Variants in HTT observed in about 807,000 individuals in gnomAD.
The protein encoded by HTT is huntington disease protein.
In HTT, 104 loss-of-function variants were observed where a neutral mutation model predicts 362.3. The observed-to-expected ratio is 0.29, with a 90% CI of 0.24 to 0.34. The LOEUF (loss-of-function observed/expected upper bound fraction) is 0.34, where lower values mean the gene tolerates loss of function less well. Among genes scored for constraint, HTT ranks in the 10% least tolerant of loss-of-function variants. The pLI is 1.00. For missense variants in HTT, 3,301 were observed against 3,928.6 expected (o/e 0.84, Z 4.27); for synonymous variants, 1,577 against 1,548.7 (o/e 1.02, Z -0.43).
At chr4:3,205,067 G>A (rs555569416) in intron 42 of HTT, among the ~76,000 whole-genome samples, 3 of 151,932 alleles carry the variant, frequency 2.0e-5, no homozygotes, top group South Asian at 4.2e-4. Context: ...TTTAAATGCC[G>A]TTCTCTTTAA....
chr4:3,178,782 G>A (rs765802182), intron 35 of HTT, among the ~76,000 whole-genome samples: 1 of 152,202 alleles, frequency 6.6e-6, no homozygotes, highest in Non-Finnish European at 1.5e-5. Flanking sequence ...GCCAAGAAGC[G>A]ATGCAACACT....
chr4:3,228,537 G>C lies in HTT; in HGVS notation c.7849-78G>C. On this transcript the variant is annotated intron_variant, in intron 57 of 66. Transcript: ENST00000355072. The surrounding 1 kb of genome is among the most constrained non-coding windows in gnomAD (Gnocchi z 4.3). ...CTGTTAGACGGTAGGCATGTGCTGA[G>C]TCCCAGTGGCCACACCCACCCACCA... 6.8e-7 allele frequency: 1 copy of C among 1,472,518 alleles called. No homozygotes were observed. Among genetic ancestry groups the C allele is most frequent in the East Asian group, 2.3e-5 (1 of 43,360 alleles). The allele number at this position is 1,472,518 out of a possible 1,614,324, so 91.2% of individuals were successfully genotyped here. A position where few individuals can be genotyped will look rare whatever the true frequency, so the allele number is the denominator to read the frequency against.
rs1017144397 is a variant in HTT, at chr4:3,148,084, C to T, written c.3375C>T (p.Val1125=). ...CAGCAGCCACCAAGCAAGAGGAGGT[C>T]TGGCCAGCCCTGGGGGACCGGGCCC... ...ANPAATKQEE[V]WPALGDRALV... The change falls in exon 26 of 67, where the codon GTC becomes GTT. Residue 1125 remains valine, a synonymous_variant. Transcript: ENST00000355072. 1 of 1,614,044 alleles carries T rather than the reference C, an allele frequency of 6.2e-7. No individual in the cohort carries two copies. The highest frequency in any genetic ancestry group is 1.3e-5 in the African/African-American group (1 of 74,914).
At chr4:3,110,463 T>C (rs1714685187) in intron 6 of HTT, among the ~76,000 whole-genome samples, 2 of 152,220 alleles carry the variant, frequency 1.3e-5, no homozygotes, top group South Asian at 4.1e-4. Context: ...AGGACTTCTC[T>C]TTGCCATTAG....
chr4:3,074,930 G>GCAGCAGCAT lies in HTT; in HGVS notation c.110_111insGCATCAGCA (p.Gln37_Gln38insHisGlnGln). On this transcript the variant is annotated inframe_insertion, in exon 1 of 67. Coordinates refer to ENST00000355072, the MANE Select transcript of HTT (RefSeq NM_001388492.1). ...AGCAGCAGCAGCAGCAGCAGCAGCA[G>GCAGCAGCAT]CAGCAACAGCCGCCACCGCCGCCGC... 1 of 1,302,022 alleles carries GCAGCAGCAT rather than the reference G, an allele frequency of 7.7e-7. No individual in the cohort carries two copies. The highest frequency in any genetic ancestry group is 2.3e-5 in the Admixed American group (1 of 43,516). 80.7% of individuals were successfully genotyped at this position (1,302,022 alleles called of 1,614,324 possible). A position where few individuals can be genotyped will look rare whatever the true frequency, so the allele number is the denominator to read the frequency against.
rs1716058958 is a variant in HTT at position 3,136,229 on chromosome 4, T to C, written c.2701T>C (p.Leu901=). ...TTTATTATCCTTCTCTCTAAAGCTTTTAAAACTGCAAGAACGAGTGCTCAA... is the reference window on the plus strand; with the variant it reads ...TTTATTATCCTTCTCTCTAAAGCTTCTAAAACTGCAAGAACGAGTGCTCAA... ...HRGAHHYTGL[L]KLQERVLNNV... The change falls in exon 21 of 67, where the codon TTA becomes CTA. Residue 901 remains leucine, a synonymous_variant. Transcript: ENST00000355072. 1 of 1,601,870 alleles carries C rather than the reference T, an allele frequency of 6.2e-7. No individual in the cohort carries two copies. Among genetic ancestry groups the C allele is most frequent in the Non-Finnish European group, 8.6e-7 (1 of 1,169,580 alleles).
chr4:3,082,528 G>T (rs1712967291), intron 1 of HTT, among the ~76,000 whole-genome samples: 2 of 152,174 alleles, frequency 1.3e-5, no homozygotes, highest in Admixed American at 1.3e-4. Context: ...TCACAGTGAG[G>T]TCTCAGGGAC....
intron 51 of HTT, 128 bp downstream of exon 51, chr4:3,215,339 C>T (rs1720348162): frequency 3.1e-6 from 2 of 651,554 alleles, no homozygotes; most frequent in African/African-American, 3.6e-5. Flanking sequence ...TGTCCTGCTG[C>T]TCCTCCCTAG....
intron 2 of HTT, among the ~76,000 whole-genome samples, chr4:3,088,172 A>G (rs889143439): frequency 1.3e-4 from 18 of 135,872 alleles, no homozygotes; most frequent in Admixed American, 9.8e-4. Flanking sequence ...CCTCTTGGCC[A>G]TTGCTTTTCA....
chr4:3,187,008 A>G (rs1171517864), intron 38 of HTT, among the ~76,000 whole-genome samples: 1 of 147,542 alleles, frequency 6.8e-6, no homozygotes, highest in Non-Finnish European at 1.5e-5. Context: ...ACAAGCGCCC[A>G]CCACCACGCC....
chr4:3,216,424 A>G (rs1486218517), intron 51 of HTT, among the ~76,000 whole-genome samples: 2 of 152,218 alleles, frequency 1.3e-5, no homozygotes, highest in African/African-American at 4.8e-5. Flanking sequence ...TGGTGAGGAT[A>G]AGAATAGTGC....
chr4:3,138,230 C>T (rs1716175116), intron 21 of HTT, among the ~76,000 whole-genome samples: 1 of 147,444 alleles, frequency 6.8e-6, no homozygotes, highest in East Asian at 1.9e-4. Flanking sequence ...TTTCTTTCTA[C>T]ATATACACAT....
intron 4 of HTT, among the ~76,000 whole-genome samples, 156 bp downstream of exon 4, chr4:3,104,039 G>A (rs1714290878): frequency 6.6e-6 from 1 of 152,124 alleles, no homozygotes; most frequent in Non-Finnish European, 1.5e-5. Flanking sequence ...TGGAAAGTTG[G>A]ATATCCATGC....
Position 3,240,051 on chromosome 4 carries a change from A to G in HTT, c.9421A>G (p.Thr3141Ala), listed in dbSNP as rs769267244. Residue 3141 changes from threonine to alanine, a missense_variant, in exon 67 of 67, where the codon ACC becomes GCC. By Grantham distance (58) the Thr-to-Ala change is moderately conservative. Transcript: ENST00000355072. Reference sequence around the variant, plus strand: ...TTTACGAAATGTCCACAAGGTCACCACCTGCTGAGCGCCATGGTGGGAGAG... The same window carrying G: ...TTTACGAAATGTCCACAAGGTCACCGCCTGCTGAGCGCCATGGTGGGAGAG... ...TCLRNVHKVT[T>A]C 5.7e-6 allele frequency: 9 copies of G among 1,586,050 alleles called. No individual in the cohort carries two copies. The highest frequency in any genetic ancestry group is 1.2e-5 in the South Asian group (1 of 86,956).
chr4:3,225,364 C>A (rs544171323), intron 56 of HTT, among the ~76,000 whole-genome samples: 1 of 152,312 alleles, frequency 6.6e-6, no homozygotes, highest in South Asian at 2.1e-4. Flanking sequence ...ACAACCAGTT[C>A]CTATTCACAG....
chr4:3,210,499 G>A (rs1720101021), intron 47 of HTT, among the ~76,000 whole-genome samples: 1 of 152,164 alleles, frequency 6.6e-6, no homozygotes, highest in East Asian at 1.9e-4. Context: ...ATGTAGTGAG[G>A]TTCTTCACCC....
chr4:3,224,724 C>T (rs1443200109), intron 56 of HTT, among the ~76,000 whole-genome samples: 2 of 152,222 alleles, frequency 1.3e-5, no homozygotes, highest in Non-Finnish European at 2.9e-5. Context: ...TCTGTGATTC[C>T]GTAGCTATTT....
chr4:3,190,011 G>A (rs1159563744), intron 40 of HTT, among the ~76,000 whole-genome samples: 1 of 151,790 alleles, frequency 6.6e-6, no homozygotes, highest in Non-Finnish European at 1.5e-5. Context: ...GTAAGACCCT[G>A]CCTCAAAAAA....
At chr4:3,215,294 G>C (rs1720345112) in intron 51 of HTT, 83 bp downstream of exon 51, 1 of 1,014,170 alleles carries the variant, frequency 9.9e-7, no homozygotes, top group South Asian at 1.4e-5. Context: ...ACCGCGGTGA[G>C]TGTGGACTCC....
Sources: allele counts gnomAD v4.1 joint callset (sites outside exome capture counted in the v4.1 genomes callset), GRCh38; gene constraint gnomAD v4.1.1; non-coding constraint Gnocchi (gnomAD v3.1); transcripts MANE v1.5; gene names NCBI Gene and HGNC (gene_info 2026-07-23, HGNC 2026-07-21).